The following MYH7 variants were observed in gnomAD, a reference collection of about 807,000 sequenced individuals.
The protein encoded by MYH7 is myosin-7.
Under a neutral mutation model 225.4 loss-of-function variants are expected in MYH7, and 129 were observed. The observed-to-expected ratio is 0.57, with a 90% CI of 0.50 to 0.66. MYH7 has a LOEUF of 0.66. Ranked by LOEUF, MYH7 falls within the 30% of genes least tolerant of loss-of-function variation. The pLI is 0.00. For missense variants in MYH7, 1,649 were observed against 2,517.0 expected (o/e 0.66, Z 7.38); for synonymous variants, 971 against 1,007.6 (o/e 0.96, Z 0.69).
At chr14:23,419,731 A>T in intron 27 of MYH7, 114 bp downstream of exon 27, 4 of 1,612,520 alleles carry the variant, frequency 2.5e-6, no homozygotes, top group Non-Finnish European at 3.4e-6. Context: ...GGATCTGAGA[A>T]CCAGGCAGAG....
At position 23,426,063 on chromosome 14, in the gene MYH7, A is replaced by G. The variant is rs730880731; in HGVS notation, c.2063T>C (p.Leu688Pro). Residue 688 changes from leucine (L) to proline (P), a missense_variant, in exon 19 of 40, where the codon CTG (leucine) becomes CCG (proline). By Grantham distance (98) the Leu-to-Pro change is moderately conservative. Around this residue, in one of 12 missense-constraint regions of MYH7, gnomAD observed 112 missense variants for 161.9 expected, o/e 0.69. Transcript: ENST00000355349. The part of the protein sequence containing the change: ...TKSPGVMDNP[L>P]VMHQLRCNGV... ...ATTGCAGCGCAGCTGGTGCATGACCAGGGGGTTGTCCATCACCCCTGTGGC... is the reference window on the plus strand; with the variant it reads ...ATTGCAGCGCAGCTGGTGCATGACCGGGGGGTTGTCCATCACCCCTGTGGC... 1 of 1,614,186 alleles carries G rather than the reference A, an allele frequency of 6.2e-7. No individual in the cohort carries two copies. Among genetic ancestry groups the G allele is most frequent in the Non-Finnish European group, 8.5e-7 (1 of 1,180,020 alleles).
intron 24 of MYH7, among the ~76,000 whole-genome samples, chr14:23,422,961 C>T (rs554899217): frequency 6.6e-6 from 1 of 152,310 alleles, no homozygotes; most frequent in African/African-American, 2.4e-5. Context: ...CCTATAAACA[C>T]CTACTGGGCA....
chr14:23,413,944 C>G, intron 38 of MYH7, 51 bp from the exon 39 acceptor site: 1 of 1,614,224 alleles, frequency 6.2e-7, no homozygotes, highest in Non-Finnish European at 8.5e-7. Flanking sequence ...TCTCAGACTC[C>G]TGGCTTGGGG....
intron 39 of MYH7, among the ~76,000 whole-genome samples, chr14:23,413,336 T>C (rs183832481): frequency 2.2e-4 from 34 of 152,258 alleles, no homozygotes; most frequent in African/African-American, 7.7e-4. Flanking sequence ...TCCCGTACTT[T>C]GGGAGGCTGA....
rs779081177 is a variant in MYH7 at position 23,427,320 on chromosome 14, G to A, written c.1889-13C>T. On this transcript the variant is annotated splice_polypyrimidine_tract_variant and intron_variant, in intron 16 of 39. Transcript: ENST00000355349. ...CCCTTCTCAATAGCTGCAGGAAGGA[G>A]AGTCAACAAAAGAAGCATCAGTGTG... The A allele has an allele frequency of 1.2e-6, 2 of 1,613,898 alleles. No individual in the cohort carries two copies. The highest frequency in any genetic ancestry group is 1.3e-5 in the African/African-American group (1 of 74,912).
At chr14:23,426,476 G>A (rs965895282) in intron 18 of MYH7, among the ~76,000 whole-genome samples, 1 of 152,176 alleles carries the variant, frequency 6.6e-6, no homozygotes, top group East Asian at 1.9e-4. Flanking sequence ...GGATTAAGTG[G>A]TTCTGCAGGT....
rs1893025563 is a variant in MYH7 at position 23,433,394 on chromosome 14, G to T, written c.201+138C>A. 1.4e-6 allele frequency: 2 copies of T among 1,423,506 alleles called. No homozygotes were observed. The highest frequency in any genetic ancestry group is 2.0e-6 in the Non-Finnish European group (2 of 1,023,312). The allele number at this position is 1,423,506 out of a possible 1,614,324, so 88.2% of individuals were successfully genotyped here. A position where few individuals can be genotyped will look rare whatever the true frequency, so the allele number is the denominator to read the frequency against. On this transcript the variant is annotated intron_variant, in intron 3 of 39. Coordinates refer to ENST00000355349, the MANE Select transcript of MYH7 (RefSeq NM_000257.4). The surrounding 1 kb of genome is among the most constrained non-coding windows in gnomAD (Gnocchi z 4.1). ...TGGGAAGGAGAGGGCTCTTTGGAGG[G>T]TCTGGATTCTTCCCCAAAGGGAAGG...
Position 23,432,991 on chromosome 14 carries a change from C to T in MYH7, c.345+93G>A, listed in dbSNP as rs916782031. The T allele has an allele frequency of 2.7e-5, 42 of 1,583,926 alleles. No individual in the cohort carries two copies. The Admixed American group carries it at 7.1e-4, about 27-fold the overall frequency. ...GGACGAGGTTAGAGTGTAACCCTGC[C>T]TAGACACAAACAGAAGACACTCTTG... On this transcript the variant is annotated intron_variant, in intron 4 of 39. Transcript: ENST00000355349.
chr14:23,427,272 A>G lies in MYH7; in HGVS notation c.1924T>C (p.Ser642Pro). 1 of 1,614,142 alleles carries G rather than the reference A, an allele frequency of 6.2e-7. No individual in the cohort carries two copies. The highest frequency in any genetic ancestry group is 8.5e-7 in the Non-Finnish European group (1 of 1,180,028). ...AGAGCTGACACAGTCTGAAAGGACG[A>G]GCCTTTCTTGGCCTTGCCTTTGCCC... is the stretch of plus-strand genomic sequence containing the variant. ...EKGKGKAKKGSSFQTVSALHR... is the reference protein window; with the variant it reads ...EKGKGKAKKGPSFQTVSALHR... The change falls in exon 17 of 40, where the codon TCG becomes CCG. Residue 642 changes from serine (S) to proline (P), a missense_variant. Transcript: ENST00000355349.
intron 23 of MYH7, 69 bp downstream of exon 23, chr14:23,423,838 G>C (rs1892581612): frequency 1.2e-6 from 2 of 1,613,572 alleles, no homozygotes; most frequent in Admixed American, 1.7e-5. Context: ...TGGCTAGCCT[G>C]GGTCAAGGTC....
At position 23,422,302 on chromosome 14, in the gene MYH7, C is replaced by G; in HGVS notation, c.3123G>C (p.Glu1041Asp). 6.2e-7 allele frequency: 1 copy of G among 1,614,224 alleles called. No homozygotes were observed. Among genetic ancestry groups the G allele is most frequent in the Non-Finnish European group, 8.5e-7 (1 of 1,180,052 alleles). ...GCTCCAGGTCCATGCGCACCTTCTTCTCTTGCTCCAGGGATCCTTCCAGCT... is the reference window on the plus strand; with the variant it reads ...GCTCCAGGTCCATGCGCACCTTCTTGTCTTGCTCCAGGGATCCTTCCAGCT... ...VDDLEGSLEQ[E>D]KKVRMDLERA... The change falls in exon 25 of 40, where the codon GAG becomes GAC. Residue 1041 changes from glutamate to aspartate, a missense_variant. By Grantham distance (45) the Glu-to-Asp change is conservative. Around this residue, in one of 12 missense-constraint regions of MYH7, gnomAD observed 282 missense variants for 315.3 expected, o/e 0.89. Coordinates refer to ENST00000355349, the MANE Select transcript of MYH7 (RefSeq NM_000257.4).
Position 23,416,902 on chromosome 14 carries a change from T to G in MYH7, c.4610A>C (p.Lys1537Thr). The G allele has an allele frequency of 6.2e-7, 1 of 1,614,222 alleles. No homozygotes were observed. Among genetic ancestry groups the G allele is most frequent in the Non-Finnish European group, 8.5e-7 (1 of 1,180,028 alleles). Residue 1537 changes from lysine (K) to threonine (T), a missense_variant, in exon 33 of 40, where the codon AAG (lysine) becomes ACG (threonine). Coordinates refer to ENST00000355349, the MANE Select transcript of MYH7 (RefSeq NM_000257.4). ...EKVRKQLEAE[K>T]MELQSALEEA... ...CTCCAGGGCTGACTGCAGCTCCATC[T>G]TCTCGGCCTCCAGCTGCTTTCGGAC...
intron 39 of MYH7, among the ~76,000 whole-genome samples, chr14:23,413,075 A>G (rs1488738160): frequency 6.6e-6 from 1 of 152,188 alleles, no homozygotes; most frequent in Non-Finnish European, 1.5e-5. Flanking sequence ...GGGGTTGGTC[A>G]GAGGGAAGTT....
chr14:23,417,556 G>A lies in MYH7; in HGVS notation c.4300C>T (p.Arg1434Cys), dbSNP rs730880800. Residue 1434 changes from arginine to cysteine, a missense_variant, in exon 31 of 40, where the codon CGC (arginine) becomes TGC (cysteine). By Grantham distance (180) the Arg-to-Cys change is radical (BLOSUM62 -3). Transcript: ENST00000355349. Reference protein sequence around the residue: ...EIEDLMVDVERSNAAAAALDK... With the variant: ...EIEDLMVDVECSNAAAAALDK... ...AGGGCTGCAGCAGCAGCATTGGAGCGCTCTACGTCCACCATCAAGTCCTCG... is the reference window on the plus strand; with the variant it reads ...AGGGCTGCAGCAGCAGCATTGGAGCACTCTACGTCCACCATCAAGTCCTCG... 3.7e-6 allele frequency: 6 copies of A among 1,612,392 alleles called. No homozygotes were observed. The highest frequency in any genetic ancestry group is 4.2e-6 in the Non-Finnish European group (5 of 1,180,032).
intron 18 of MYH7, 89 bp downstream of exon 18, chr14:23,426,688 G>T: frequency 8.1e-7 from 1 of 1,228,018 alleles, no homozygotes; most frequent in Non-Finnish European, 1.2e-6. Context: ...GGAAACCACT[G>T]TGGTGGTAGG....
intron 1 of MYH7, among the ~76,000 whole-genome samples, chr14:23,434,872 A>G (rs1893082979): frequency 6.6e-6 from 1 of 152,130 alleles, no homozygotes; most frequent in Non-Finnish European, 1.5e-5. Context: ...CCTCTGATGA[A>G]CACTCATGCC....
rs887017541 is a variant in MYH7 at position 23,429,953 on chromosome 14, A to T, written c.1000-40T>A. 9.3e-6 allele frequency: 15 copies of T among 1,612,026 alleles called. No homozygotes were observed. In the East Asian group the frequency reaches 3.1e-4, roughly 34 times the overall value. ...CATATTGGCGGACCCCAGAAAAAGA[A>T]GTATGATGGGTAAGTGAGATCCCTT... On this transcript the variant is annotated intron_variant, in intron 11 of 39. Transcript: ENST00000355349.
intron 22 of MYH7, among the ~76,000 whole-genome samples, chr14:23,424,555 C>T (rs559285300): frequency 1.3e-5 from 2 of 152,336 alleles, no homozygotes; most frequent in African/African-American, 4.8e-5. Flanking sequence ...CTAGGTTGAA[C>T]CCAAGTAGAA....
intron 25 of MYH7, 65 bp from the exon 26 acceptor site, chr14:23,421,113 G>A (rs1892457942): frequency 8.8e-7 from 1 of 1,137,582 alleles, no homozygotes; most frequent in African/African-American, 1.5e-5. Flanking sequence ...TCCACCAGTG[G>A]TTGAAAATGG....
Sources: gnomAD v4.1 joint callset for allele counts (sites outside exome capture counted in the v4.1 genomes callset) on GRCh38, gnomAD v4.1.1 for gene constraint, gnomAD v4.1.1 regional missense constraint, Gnocchi (gnomAD v3.1) non-coding constraint, MANE v1.5 for transcripts, NCBI Gene and HGNC (gene_info 2026-07-23, HGNC 2026-07-21) for gene names.